The following SGMS1 variants were observed in gnomAD, a reference collection of about 807,000 sequenced individuals.
SGMS1 encodes the protein sphingomyelin synthase 1, also known as phosphatidylcholine:ceramide cholinephosphotransferase 1.
A neutral mutation model predicts 46.2 loss-of-function variants in SGMS1; 13 were observed. The ratio of observed to expected loss-of-function variants is 0.28; its 90% CI spans 0.18 to 0.45. The LOEUF (loss-of-function observed/expected upper bound fraction) is 0.45, where lower values mean the gene tolerates loss of function less well. Ranked by LOEUF, SGMS1 falls within the 20% of genes least tolerant of loss-of-function variation. The probability of loss-of-function intolerance (pLI) is 1.00; values close to 1 mark genes in which losing one functional copy is unlikely to be tolerated. For missense variants in SGMS1, 324 were observed against 519.9 expected (o/e 0.62, Z 3.66); for synonymous variants, 203 against 187.8 (o/e 1.08, Z -0.66).
chr10:50,519,297 T>C (rs1837837093), intron 3 of SGMS1, among the ~76,000 whole-genome samples: 1 of 152,252 alleles, frequency 6.6e-6, no homozygotes, highest in African/African-American at 2.4e-5. Context: ...TTTTACGTTC[T>C]AGGTCAAGCT....
chr10:50,432,657 AC>A (rs1327734758), intron 6 of SGMS1, among the ~76,000 whole-genome samples: 1 of 152,254 alleles, frequency 6.6e-6, no homozygotes, highest in Non-Finnish European at 1.5e-5. Context: ...ATAAATCATG[AC>A]ACAAATATAA....
At chr10:50,586,102 G>A (rs1564438337) in intron 2 of SGMS1, among the ~76,000 whole-genome samples, 1 of 152,190 alleles carries the variant, frequency 6.6e-6, no homozygotes, top group Non-Finnish European at 1.5e-5. Context: ...AAATGAGCAT[G>A]ACTTTTTGAA....
intron 6 of SGMS1, among the ~76,000 whole-genome samples, chr10:50,388,280 A>T (rs1848710934): frequency 6.6e-6 from 1 of 152,102 alleles, no homozygotes; most frequent in Non-Finnish European, 1.5e-5. Context: ...TGAATTTGTT[A>T]TGTACTCAAA....
At chr10:50,574,197 G>A (rs1272454550) in intron 2 of SGMS1, among the ~76,000 whole-genome samples, 4 of 151,946 alleles carry the variant, frequency 2.6e-5, no homozygotes, top group South Asian at 4.1e-4. Context: ...AAGAATCAAC[G>A]GAGTGAAAAG....
At chr10:50,340,079 C>T (rs1042217281) in intron 7 of SGMS1, among the ~76,000 whole-genome samples, 2 of 152,102 alleles carry the variant, frequency 1.3e-5, no homozygotes, top group African/African-American at 2.4e-5. Flanking sequence ...TGGCCAGATA[C>T]GAGGAAGAAA....
At chr10:50,608,492 A>G (rs1234912095) in intron 1 of SGMS1, among the ~76,000 whole-genome samples, 5 of 152,126 alleles carry the variant, frequency 3.3e-5, no homozygotes, top group African/African-American at 1.2e-4. Context: ...ATTTCAGGGG[A>G]CGCTACTCAG....
rs1393005815 is a variant in SGMS1 at position 50,344,158 on chromosome 10, GT to G, written c.-45del. The G allele has an allele frequency of 6.5e-7, 1 of 1,545,670 alleles. No individual in the cohort carries two copies. Among genetic ancestry groups the G allele is most frequent in the Admixed American group, 1.9e-5 (1 of 52,254 alleles). On this transcript the variant is annotated 5_prime_UTR_variant, in exon 7 of 11. It removes the in-frame stop codon of an upstream open reading frame in the 5' UTR. Transcript: ENST00000361781. ...GCAGTCCCCAGCTCTCTCTTGGCAG[GT>G]CAGCAGTCACTGTTCCGACAGGGCA...
intron 2 of SGMS1, among the ~76,000 whole-genome samples, chr10:50,526,420 C>T (rs897251506): frequency 3.9e-5 from 6 of 152,120 alleles, no homozygotes; most frequent in African/African-American, 1.4e-4. Context: ...ATGGGGATTA[C>T]AAATCAACAC....
chr10:50,412,661 G>C (rs2133574222), intron 6 of SGMS1, among the ~76,000 whole-genome samples: 1 of 152,262 alleles, frequency 6.6e-6, no homozygotes, highest in Middle Eastern at 3.4e-3. Context: ...ACATTTGCTA[G>C]GTGTGCTGCT....
At chr10:50,610,776 CTTATTTGA>C (rs940285433) in intron 1 of SGMS1, among the ~76,000 whole-genome samples, 1 of 152,140 alleles carries the variant, frequency 6.6e-6, no homozygotes, top group Non-Finnish European at 1.5e-5. Context: ...TATATATTTG[CTTATTTGA>C]TTATTGTCGG....
intron 6 of SGMS1, among the ~76,000 whole-genome samples, chr10:50,432,481 C>CACTGCAGG (rs1849416553): frequency 6.6e-6 from 1 of 152,122 alleles, no homozygotes; most frequent in African/African-American, 2.4e-5. Flanking sequence ...AGCAGTGGTA[C>CACTGCAGG]TTACACAATG....
At chr10:50,599,897 C>T (rs1467073640) in intron 1 of SGMS1, among the ~76,000 whole-genome samples, 1 of 152,034 alleles carries the variant, frequency 6.6e-6, no homozygotes, top group Non-Finnish European at 1.5e-5. Context: ...GAAAGAAGTA[C>T]TAAGATTTTA....
intron 6 of SGMS1, among the ~76,000 whole-genome samples, chr10:50,402,145 C>T (rs1848949127): frequency 1.3e-5 from 2 of 152,170 alleles, no homozygotes; most frequent in South Asian, 4.1e-4. Context: ...TGGCATCATC[C>T]ATCAATTACT....
rs188558098 is a variant in SGMS1 at position 50,329,638 on chromosome 10, A to G, written c.624-2316T>C. 3.1e-3 allele frequency among the ~76,000 whole-genome samples: 476 copies of G among 152,372 alleles called. 1 individual carries two copies. Among genetic ancestry groups the G allele is most frequent in the Middle Eastern group, 6.8e-3 (2 of 294 alleles). On this transcript the variant is annotated intron_variant, in intron 7 of 10. Transcript: ENST00000361781. ...TTTCATACACTTAGAATTCTTATTC[A>G]CTTAAAGGTTTAAAAGTTCAAGATG...
At chr10:50,410,230 A>C (rs1379473406) in intron 6 of SGMS1, among the ~76,000 whole-genome samples, 1 of 152,160 alleles carries the variant, frequency 6.6e-6, no homozygotes, top group Non-Finnish European at 1.5e-5. Flanking sequence ...AAAAGATAAT[A>C]ATATTATGAT....
At chr10:50,421,730 G>GTGGA (rs1377871625) in intron 6 of SGMS1, among the ~76,000 whole-genome samples, 1 of 152,164 alleles carries the variant, frequency 6.6e-6, no homozygotes, top group African/African-American at 2.4e-5. Flanking sequence ...GGCCTATGTA[G>GTGGA]TGGAGACGGT....
intron 6 of SGMS1, among the ~76,000 whole-genome samples, chr10:50,392,991 AAG>A (rs1233969446): frequency 2.9e-5 from 4 of 137,506 alleles, no homozygotes; most frequent in Non-Finnish European, 6.6e-5. Flanking sequence ...AGCATCCAGA[AAG>A]TTTTTTTTTT....
chr10:50,327,435 T>G lies in SGMS1; in HGVS notation c.624-113A>C, dbSNP rs1847549580. 1.0e-5 allele frequency: 7 copies of G among 686,792 alleles called. No homozygotes were observed. The South Asian group carries it at 1.0e-4, about 10-fold the overall frequency. 42.5% of individuals were successfully genotyped at this position (686,792 alleles called of 1,614,324 possible). A position where few individuals can be genotyped will look rare whatever the true frequency, so the allele number is the denominator to read the frequency against. On this transcript the variant is annotated intron_variant, in intron 7 of 10. Transcript: ENST00000361781. The stretch of plus-strand genomic sequence containing the variant: ...AAACCCCAAAAACTACTTGAGAACT[T>G]GAAACCAGAATGTTGTAACTATGGC...
chr10:50,323,617 C>T (rs1255735487), intron 8 of SGMS1, among the ~76,000 whole-genome samples: 1 of 152,204 alleles, frequency 6.6e-6, no homozygotes, highest in Non-Finnish European at 1.5e-5. Context: ...ATATTGCTAA[C>T]TATCTTGGAC....
Sources: gnomAD v4.1 joint callset for allele counts (sites outside exome capture counted in the v4.1 genomes callset) on GRCh38, gnomAD v4.1.1 for gene constraint, MANE v1.5 for transcripts, NCBI Gene and HGNC (gene_info 2026-07-23, HGNC 2026-07-21) for gene names.